The following WNK3 variants were observed in gnomAD, a reference collection of about 807,000 sequenced individuals.
WNK3 encodes the protein serine/threonine-protein kinase WNK3.
In WNK3, 18 loss-of-function variants were observed where a neutral mutation model predicts 116.7. That is an observed-to-expected ratio of 0.15 (90% CI 0.11 to 0.23). The LOEUF is 0.23. Among genes scored for constraint, WNK3 ranks in the 10% least tolerant of loss-of-function variants. The probability of loss-of-function intolerance (pLI) is 1.00; values close to 1 mark genes in which losing one functional copy is unlikely to be tolerated. For missense variants in WNK3, 993 were observed against 1,323.8 expected (o/e 0.75, Z 3.88); for synonymous variants, 404 against 469.4 (o/e 0.86, Z 1.80).
chrX:54,243,420 CAA>C (rs782696727), intron 17 of WNK3, among the ~76,000 whole-genome samples: 57 of 16,823 alleles, frequency 3.4e-3, no homozygotes, highest in African/African-American at 0.01. Flanking sequence ...GACTCCGTCT[CAA>C]AAAAAAAAAA....
At chrX:54,315,570 G>A (rs1320328020) in intron 2 of WNK3, among the ~76,000 whole-genome samples, 1 of 111,406 alleles carries the variant, frequency 9.0e-6, no homozygotes, top group Non-Finnish European at 1.9e-5. Context: ...TTCTTGGATG[G>A]TGTAGCCTTT....
intron 22 of WNK3, among the ~76,000 whole-genome samples, chrX:54,207,053 AAT>A (rs782602517): frequency 9.1e-6 from 1 of 110,059 alleles, no homozygotes; most frequent in South Asian, 3.9e-4. Flanking sequence ...AGTAAAAAAT[AAT>A]ATGAGTGAAA....
chrX:54,244,126 G>C (rs2068051854), intron 17 of WNK3, among the ~76,000 whole-genome samples: 1 of 111,353 alleles, frequency 9.0e-6, no homozygotes, highest in African/African-American at 3.3e-5. Context: ...TTCTTTTTTT[G>C]GGGTGATGAA....
intron 10 of WNK3, among the ~76,000 whole-genome samples, chrX:54,280,802 A>G (rs1023774525): frequency 2.7e-5 from 3 of 111,162 alleles, no homozygotes; most frequent in African/African-American, 9.8e-5. Flanking sequence ...AGGGATGGGG[A>G]AAAAAGCTGA....
chrX:54,283,176 G>A (rs1557163014), intron 10 of WNK3, among the ~76,000 whole-genome samples: 1 of 112,212 alleles, frequency 8.9e-6, no homozygotes, highest in Non-Finnish European at 1.9e-5. Flanking sequence ...AGGCGCAGTG[G>A]CTCATGCCTG....
At chrX:54,313,966 C>T (rs2068918498) in intron 2 of WNK3, among the ~76,000 whole-genome samples, 1 of 108,995 alleles carries the variant, frequency 9.2e-6, no homozygotes, top group Admixed American at 9.9e-5. Flanking sequence ...CCAAGGCGGG[C>T]AGATCGCCTG....
At chrX:54,309,486 T>A (rs1444130543) in intron 3 of WNK3, among the ~76,000 whole-genome samples, 171 bp from the exon 4 acceptor site, 4 of 112,172 alleles carry the variant, frequency 3.6e-5, no homozygotes, top group Non-Finnish European at 5.6e-5. Context: ...TACTTCATTC[T>A]TAGATAAGAC....
chrX:54,348,618 C>T lies in WNK3; in HGVS notation c.-120+9068G>A, dbSNP rs782250163. Among the ~76,000 whole-genome samples, 29 of 112,154 alleles carry T rather than the reference C, an allele frequency of 2.6e-4. No individual in the cohort carries two copies. The South Asian group carries it at 5.2e-3, about 20-fold the overall frequency. On this transcript the variant is annotated intron_variant, in intron 1 of 23. Transcript: ENST00000354646. ...CATGGGCAATGTACCAATTTAAACT[C>T]CTACCTCCAACGTATGAGTGTCTTT...
chrX:54,300,249 C>T (rs1412956820), intron 6 of WNK3, among the ~76,000 whole-genome samples: 1 of 111,125 alleles, frequency 9.0e-6, no homozygotes, highest in African/African-American at 3.3e-5. Context: ...AACTCCTGGG[C>T]TCAAGCAATC....
At chrX:54,219,949 G>A (rs1012429061) in intron 22 of WNK3, among the ~76,000 whole-genome samples, 9 of 111,625 alleles carry the variant, frequency 8.1e-5, no homozygotes, top group Non-Finnish European at 1.7e-4. Flanking sequence ...GTTCAAAGGT[G>A]GATAAAAGCT....
At chrX:54,198,613 G>T in exon 24 of WNK3, 1 of 1,208,724 alleles carries the variant, frequency 8.3e-7, no homozygotes, top group Non-Finnish European at 1.1e-6. Flanking sequence ...GGACAGAGAA[G>T]AAATCCATGT....
intron 10 of WNK3, among the ~76,000 whole-genome samples, chrX:54,289,399 A>G (rs1469548014): frequency 1.8e-5 from 2 of 110,839 alleles, no homozygotes; most frequent in Non-Finnish European, 3.8e-5. Context: ...GAAGGATGAT[A>G]ATTCCGCAGG....
chrX:54,195,388 TTAAG>T lies in WNK3; in HGVS notation c.*2932_*2935del, dbSNP rs1557139842. 18 of 111,660 alleles carry T rather than the reference TTAAG, an allele frequency of 1.6e-4. No individual in the cohort carries two copies. The East Asian group carries it at 5.1e-3, about 31-fold the overall frequency. The allele number at this position is 111,660 out of a possible 1,213,427, so 9.2% of individuals were successfully genotyped here. On this transcript the variant is annotated 3_prime_UTR_variant, in exon 24 of 24. Coordinates refer to ENST00000354646, the Ensembl canonical transcript of WNK3. ...CCCTTTTTATATAGTAGGCTCTTTG[TTAAG>T]AAGGGAATTTCTGAGCTTTACCTCA...
At chrX:54,270,350 G>A (rs782208262) in intron 10 of WNK3, among the ~76,000 whole-genome samples, 1 of 108,655 alleles carries the variant, frequency 9.2e-6, no homozygotes, top group Non-Finnish European at 1.9e-5. Flanking sequence ...GGCCCACCTC[G>A]GCCTCCCAAA....
At chrX:54,353,576 G>A (rs907705136) in intron 1 of WNK3, among the ~76,000 whole-genome samples, 13 of 109,467 alleles carry the variant, frequency 1.2e-4, no homozygotes, top group African/African-American at 4.3e-4. Flanking sequence ...GTGAAACCCC[G>A]TCTCTTCTAA....
chrX:54,226,501 A>C (rs1557147887), intron 22 of WNK3, among the ~76,000 whole-genome samples: 1 of 103,352 alleles, frequency 9.7e-6, no homozygotes, highest in African/African-American at 3.5e-5. Flanking sequence ...AGAAGAAAAA[A>C]AAAAAGAACT....
At chrX:54,228,380 A>C (rs894178162) in intron 22 of WNK3, among the ~76,000 whole-genome samples, 10 of 112,189 alleles carry the variant, frequency 8.9e-5, no homozygotes, top group African/African-American at 3.2e-4. Flanking sequence ...AAGTAAAAGA[A>C]GCCAGTCACG....
chrX:54,258,397 G>A, intron 11 of WNK3, among the ~76,000 whole-genome samples: 1 of 108,994 alleles, frequency 9.2e-6, no homozygotes, highest in Non-Finnish European at 1.9e-5. Context: ...ACAGTGGTGC[G>A]ATGTCAGCTC....
chrX:54,276,434 G>A (rs1557160923), intron 10 of WNK3, among the ~76,000 whole-genome samples: 1 of 111,182 alleles, frequency 9.0e-6, no homozygotes, highest in Non-Finnish European at 1.9e-5. Context: ...CTCACTCTCA[G>A]CAATTAATAA....
Sources: gnomAD v4.1 joint callset for allele counts (sites outside exome capture counted in the v4.1 genomes callset) on GRCh38, gnomAD v4.1.1 for gene constraint, MANE v1.5 for transcripts, NCBI Gene and HGNC (gene_info 2026-07-23, HGNC 2026-07-21) for gene names.